RBM33: variants seen among roughly 807,000 people sequenced by gnomAD.
RBM33 encodes the protein RNA-binding protein 33.
Under a neutral mutation model 132.6 loss-of-function variants are expected in RBM33, and 28 were observed. The observed-to-expected ratio is 0.21, with a 90% CI of 0.16 to 0.29. RBM33 has a LOEUF of 0.29. RBM33 is among the 10% of genes least tolerant of loss of function. The pLI is 1.00. For missense variants in RBM33, 1,291 were observed against 1,518.5 expected (o/e 0.85, Z 2.49); for synonymous variants, 634 against 593.0 (o/e 1.07, Z -1.01).
Position 155,718,757 on chromosome 7 carries a change from GGT to G in RBM33, c.1260+316_1260+317del, listed in dbSNP as rs1164033413. 2.6e-5 allele frequency among the ~76,000 whole-genome samples: 4 copies of G among 152,276 alleles called. No individual in the cohort carries two copies. The East Asian group carries it at 7.7e-4, about 29-fold the overall frequency. On this transcript the variant is annotated intron_variant, in intron 9 of 17. Transcript: ENST00000401878. ...AGAAAGGGCCTTGCTTTATTAGAGA[GGT>G]GGGGGGTGTATGTGTGCATGCACGC...
intron 9 of RBM33, among the ~76,000 whole-genome samples, chr7:155,730,777 A>G (rs1284926288): frequency 1.3e-5 from 2 of 152,234 alleles, no homozygotes; most frequent in East Asian, 3.8e-4. Context: ...GGGCTTTGTT[A>G]CGTACCAGTA....
At chr7:155,746,399 G>T (rs1186949584) in intron 14 of RBM33, 1 of 151,266 alleles carries the variant, frequency 6.6e-6, no homozygotes, top group East Asian at 1.9e-4. Flanking sequence ...ATAGAATTGA[G>T]AATTGAAGTC....
chr7:155,721,751 C>A (rs572428142), intron 9 of RBM33, among the ~76,000 whole-genome samples: 12 of 151,976 alleles, frequency 7.9e-5, no homozygotes, highest in African/African-American at 2.7e-4. Context: ...TAAAATTATT[C>A]TTTAAAATTA....
At chr7:155,725,406 C>G (rs1057092420) in intron 9 of RBM33, among the ~76,000 whole-genome samples, 5 of 151,976 alleles carry the variant, frequency 3.3e-5, no homozygotes, top group African/African-American at 1.2e-4. Context: ...TGCTTAAGTT[C>G]ACACAACTGG....
intron 5 of RBM33, among the ~76,000 whole-genome samples, chr7:155,690,298 C>T (rs1485828339): frequency 6.6e-6 from 1 of 152,118 alleles, no homozygotes; most frequent in African/African-American, 2.4e-5. Flanking sequence ...GTATCCCCTG[C>T]CTTTTTTGTT....
chr7:155,668,694 T>C (rs532471212), intron 2 of RBM33, among the ~76,000 whole-genome samples: 1 of 152,314 alleles, frequency 6.6e-6, no homozygotes, highest in East Asian at 1.9e-4. Flanking sequence ...GGTAAGTGAT[T>C]GAGTCTTTCC....
intron 3 of RBM33, among the ~76,000 whole-genome samples, chr7:155,673,440 GTA>G (rs1329392836): frequency 1.5e-5 from 2 of 137,788 alleles, no homozygotes; most frequent in Non-Finnish European, 1.6e-5. Context: ...GTGTGTGTGT[GTA>G]TGTGTATATA....
chr7:155,739,854 C>T lies in RBM33; in HGVS notation c.1877C>T (p.Pro626Leu). 1 of 1,525,532 alleles carries T rather than the reference C, an allele frequency of 6.6e-7. No individual in the cohort carries two copies. 94.5% of individuals were successfully genotyped at this position (1,525,532 alleles called of 1,614,324 possible). ...CAGCACCAGCCCCCACCCCAGCACC[C>T]ACCACAGCACCCGCCGCAGCACCAG... ...PPQHQPPPQH[P>L]PQHPPQHQHH... is the part of the protein sequence containing the mutation. Residue 626 changes from proline to leucine, a missense_variant, in exon 12 of 18, where the codon CCA (proline) becomes CTA (leucine). Physicochemically the swap from Pro to Leu is moderately conservative, Grantham distance 98. This residue lies in a region of RBM33 where 841 missense variants were observed against 912.0 expected (regional missense o/e 0.92). Transcript: ENST00000401878.
At chr7:155,771,198 C>T (rs1485438404) in intron 16 of RBM33, among the ~76,000 whole-genome samples, 2 of 152,154 alleles carry the variant, frequency 1.3e-5, no homozygotes, top group East Asian at 1.9e-4. Flanking sequence ...TCTATGATAG[C>T]GTGTTGCTCA....
At position 155,737,328 on chromosome 7, in the gene RBM33, A is replaced by G. The variant is rs28520372; in HGVS notation, c.1261-202A>G. 5.8e-3 allele frequency among the ~76,000 whole-genome samples: 853 copies of G among 146,998 alleles called. 3 individuals are homozygous for G. The highest frequency in any genetic ancestry group is 0.021 in the African/African-American group (801 of 38,156). ...CACCTAAGGATGCGTGTCAGAATGT[A>G]TCCTGTCATTAAGGATGCATGACTC... is the stretch of plus-strand genomic sequence containing the variant. On this transcript the variant is annotated intron_variant, in intron 9 of 17. Transcript: ENST00000401878.
At chr7:155,763,556 G>A (rs1802105823) in intron 14 of RBM33, among the ~76,000 whole-genome samples, 1 of 152,112 alleles carries the variant, frequency 6.6e-6, no homozygotes, top group South Asian at 2.1e-4. Context: ...TATTTTAATC[G>A]CAGATCTCTT....
chr7:155,743,397 G>T (rs1397040516), intron 13 of RBM33, among the ~76,000 whole-genome samples: 1 of 152,226 alleles, frequency 6.6e-6, no homozygotes, highest in Non-Finnish European at 1.5e-5. Context: ...CAGGCATCCT[G>T]CTGGCACATC....
intron 1 of RBM33, among the ~76,000 whole-genome samples, chr7:155,648,623 C>CT (rs60181743): frequency 4.7e-5 from 7 of 150,054 alleles, no homozygotes; most frequent in African/African-American, 1.5e-4. Context: ...GTATTTAATT[C>CT]TTTTTTTTTT....
chr7:155,649,171 G>C (rs146112105), intron 1 of RBM33, among the ~76,000 whole-genome samples: 95 of 152,126 alleles, frequency 6.2e-4, no homozygotes, highest in African/African-American at 2.2e-3. Flanking sequence ...TTAAGGCTCT[G>C]CTTATTTTTC....
chr7:155,743,506 T>C (rs10226625), intron 13 of RBM33, among the ~76,000 whole-genome samples: 2,492 of 152,370 alleles, frequency 0.016, 62 homozygotes, highest in African/African-American at 0.056. Flanking sequence ...AAATGGAACC[T>C]GTAGGTCACC....
Position 155,680,858 on chromosome 7 carries a change from A to G in RBM33, c.517A>G (p.Thr173Ala). 6.2e-7 allele frequency: 1 copy of G among 1,613,832 alleles called. No individual in the cohort carries two copies. The change falls in exon 5 of 18, where the codon ACT becomes GCT. Residue 173 changes from threonine (T) to alanine (A), a missense_variant. Physicochemically the swap from Thr to Ala is moderately conservative, Grantham distance 58 (BLOSUM62 0). Around this residue, in one of 7 missense-constraint regions of RBM33, gnomAD observed 194 missense variants for 249.8 expected, o/e 0.78. Coordinates refer to ENST00000401878, the MANE Select transcript of RBM33 (RefSeq NM_053043.3). ...VEEPEEEQLY[T>A]DEVLDIEINE... ...AGAGCCAGAGGAGGAGCAGCTTTAC[A>G]CTGATGAAGTGTTAGACATCGAGAT...
At position 155,776,750 on chromosome 7, in the gene RBM33, T is replaced by G. The variant is rs922180395; in HGVS notation, c.*1709T>G. 6.6e-6 allele frequency: 1 copy of G among 152,268 alleles called. No individual in the cohort carries two copies. Among genetic ancestry groups the G allele is most frequent in the Non-Finnish European group, 1.5e-5 (1 of 68,078 alleles). 9.4% of individuals were successfully genotyped at this position (152,268 alleles called of 1,614,324 possible). A position where few individuals can be genotyped will look rare whatever the true frequency, so the allele number is the denominator to read the frequency against. On this transcript the variant is annotated 3_prime_UTR_variant, in exon 18 of 18. Coordinates refer to ENST00000401878, the MANE Select transcript of RBM33 (RefSeq NM_053043.3). The surrounding 1 kb of genome is among the most constrained non-coding windows in gnomAD (Gnocchi z 4.0). ...AACCCTCGGAAGATGGGATTGCCAG[T>G]CAGCCCTGCCTCACCATGCCTGCAG...
intron 2 of RBM33, among the ~76,000 whole-genome samples, chr7:155,665,999 A>G (rs1473864368): frequency 1.3e-5 from 2 of 152,264 alleles, no homozygotes; most frequent in African/African-American, 2.4e-5. Context: ...GAAGTTTTAT[A>G]GAATAATCTA....
intron 9 of RBM33, among the ~76,000 whole-genome samples, chr7:155,728,982 T>A (rs1800875716): frequency 6.6e-6 from 1 of 152,224 alleles, no homozygotes. Flanking sequence ...TCTGTTTTCA[T>A]ACTGCTATAA....
Sources: gnomAD v4.1 joint callset for allele counts (sites outside exome capture counted in the v4.1 genomes callset) on GRCh38, gnomAD v4.1.1 for gene constraint, gnomAD v4.1.1 regional missense constraint, Gnocchi (gnomAD v3.1) non-coding constraint, MANE v1.5 for transcripts, NCBI Gene and HGNC (gene_info 2026-07-23, HGNC 2026-07-21) for gene names.